The following ERC2 variants were observed in gnomAD, a reference collection of about 807,000 sequenced individuals.
ERC2 encodes the protein ELKS/RAB6-interacting/CAST family member 2, also known as ERC protein 2.
Under a neutral mutation model 114.8 loss-of-function variants are expected in ERC2, and 42 were observed. That is an observed-to-expected ratio of 0.37 (90% CI 0.29 to 0.47). The LOEUF (loss-of-function observed/expected upper bound fraction) is 0.47. ERC2 is among the 20% of genes least tolerant of loss of function. The pLI, the probability that ERC2 is intolerant of heterozygous loss-of-function variation, is 0.99. For synonymous variants in ERC2, 454 were observed against 425.5 expected (o/e 1.07, Z -0.82); for missense variants, 939 against 1,150.7 (o/e 0.82, Z 2.66).
intron 7 of ERC2, among the ~76,000 whole-genome samples, chr3:56,053,495 C>A (rs185370410): frequency 6.6e-6 from 1 of 152,296 alleles, no homozygotes; most frequent in Middle Eastern, 3.4e-3. Context: ...CTTAGCTCAA[C>A]AACTGACATA....
chr3:55,852,259 T>C (rs1384467075), intron 14 of ERC2, among the ~76,000 whole-genome samples: 3 of 152,180 alleles, frequency 2.0e-5, no homozygotes, highest in Non-Finnish European at 2.9e-5. Context: ...TAGTAAAATG[T>C]GCTTTACAGT....
chr3:55,807,320 A>C (rs1489762993), intron 14 of ERC2, among the ~76,000 whole-genome samples: 1 of 152,200 alleles, frequency 6.6e-6, no homozygotes, highest in African/African-American at 2.4e-5. Flanking sequence ...ATAATTGAGA[A>C]GTGATGTGTT....
At chr3:55,873,024 C>G (rs1416926476) in intron 14 of ERC2, among the ~76,000 whole-genome samples, 1 of 152,152 alleles carries the variant, frequency 6.6e-6, no homozygotes, top group Non-Finnish European at 1.5e-5. Flanking sequence ...ATCTAATGAG[C>G]AGAGGCCAGG....
intron 14 of ERC2, among the ~76,000 whole-genome samples, chr3:55,780,344 C>T (rs971626238): frequency 6.6e-6 from 1 of 152,050 alleles, no homozygotes; most frequent in Non-Finnish European, 1.5e-5. Context: ...ACTACTTGAA[C>T]AAAAAATAAT....
intron 7 of ERC2, among the ~76,000 whole-genome samples, chr3:56,030,731 A>G (rs189557378): frequency 6.6e-6 from 1 of 152,354 alleles, no homozygotes; most frequent in African/African-American, 2.4e-5. Flanking sequence ...CATCAATTTG[A>G]ACAACTGTCT....
chr3:56,060,066 C>A (rs935071146), intron 7 of ERC2, among the ~76,000 whole-genome samples: 2 of 152,170 alleles, frequency 1.3e-5, no homozygotes, highest in African/African-American at 4.8e-5. Context: ...AATATGTGTT[C>A]ATTTTATAAC....
intron 3 of ERC2, among the ~76,000 whole-genome samples, chr3:56,221,849 A>T (rs1321979379): frequency 1.3e-5 from 2 of 152,200 alleles, no homozygotes; most frequent in South Asian, 2.1e-4. Context: ...GTGAGCAGAG[A>T]TCGTGCCACT....
intron 17 of ERC2, among the ~76,000 whole-genome samples, chr3:55,572,314 C>T (rs896695124): frequency 1.3e-5 from 2 of 152,148 alleles, no homozygotes; most frequent in Non-Finnish European, 2.9e-5. Flanking sequence ...GCTTGTGGCC[C>T]GGCCAGCTAG....
At chr3:55,795,576 C>T (rs2070407164) in intron 14 of ERC2, among the ~76,000 whole-genome samples, 1 of 152,194 alleles carries the variant, frequency 6.6e-6, no homozygotes, top group Admixed American at 6.5e-5. Flanking sequence ...TGTAACTCCA[C>T]CTCTCCACCC....
chr3:55,634,121 T>C (rs2059861717), intron 17 of ERC2, among the ~76,000 whole-genome samples: 1 of 152,192 alleles, frequency 6.6e-6, no homozygotes, highest in African/African-American at 2.4e-5. Flanking sequence ...TTCCTATGTA[T>C]GTGGTTTTCA....
intron 3 of ERC2, among the ~76,000 whole-genome samples, chr3:56,243,134 T>C (rs1260010622): frequency 6.6e-6 from 1 of 152,178 alleles, no homozygotes; most frequent in East Asian, 1.9e-4. Flanking sequence ...GGGCCATCAG[T>C]TGCCTTTCAC....
intron 7 of ERC2, among the ~76,000 whole-genome samples, chr3:56,034,358 G>A (rs1441171855): frequency 2.0e-5 from 3 of 151,940 alleles, no homozygotes; most frequent in Non-Finnish European, 4.4e-5. Context: ...AAAACTGAAG[G>A]TAGAAACAGA....
intron 14 of ERC2, among the ~76,000 whole-genome samples, chr3:55,741,930 A>G (rs2065983669): frequency 6.6e-6 from 1 of 152,150 alleles, no homozygotes; most frequent in Non-Finnish European, 1.5e-5. Context: ...ACAATAGAGG[A>G]AAAAAGGGGG....
Position 55,602,995 on chromosome 3 carries a change from C to A in ERC2, c.*39+80799G>T, listed in dbSNP as rs145908357. 3.9e-5 allele frequency among the ~76,000 whole-genome samples: 6 copies of A among 152,182 alleles called. No homozygotes were observed. The East Asian group carries it at 7.8e-4, about 20-fold the overall frequency. ...CTTGTCCCTACTCACAAGAGAAGAC[C>A]GAGCATCTCCTTAACAATAAGAAGG... On this transcript the variant is annotated intron_variant, in intron 17 of 17. Coordinates refer to ENST00000288221, the MANE Select transcript of ERC2 (RefSeq NM_015576.3).
intron 17 of ERC2, among the ~76,000 whole-genome samples, chr3:55,522,612 C>T (rs2053037057): frequency 6.6e-6 from 1 of 152,154 alleles, no homozygotes; most frequent in African/African-American, 2.4e-5. Flanking sequence ...GTCACATTTG[C>T]ACAGTGCCAA....
At chr3:55,918,422 C>T (rs1240456053) in intron 13 of ERC2, among the ~76,000 whole-genome samples, 1 of 152,044 alleles carries the variant, frequency 6.6e-6, no homozygotes, top group Admixed American at 6.6e-5. Context: ...ATTGGTAAAA[C>T]TACCTTACAG....
chr3:55,574,998 G>A (rs925843765), intron 17 of ERC2, among the ~76,000 whole-genome samples: 2 of 152,104 alleles, frequency 1.3e-5, no homozygotes, highest in African/African-American at 4.8e-5. Context: ...GCTCACAGAA[G>A]GTGCACTTTC....
intron 1 of ERC2, among the ~76,000 whole-genome samples, chr3:56,450,762 T>G (rs2062792406): frequency 6.6e-6 from 1 of 151,982 alleles, no homozygotes; most frequent in Admixed American, 6.6e-5. Flanking sequence ...GTCCAGGAGT[T>G]CAAGGCAGCA....
At chr3:56,461,376 T>C (rs893914233) in intron 1 of ERC2, among the ~76,000 whole-genome samples, 1 of 152,184 alleles carries the variant, frequency 6.6e-6, no homozygotes, top group African/African-American at 2.4e-5. Flanking sequence ...CAACTCCAGT[T>C]GACGGGAAGC....
Sources: allele counts gnomAD v4.1 joint callset (sites outside exome capture counted in the v4.1 genomes callset), GRCh38; gene constraint gnomAD v4.1.1; transcripts MANE v1.5; gene names NCBI Gene and HGNC (gene_info 2026-07-23, HGNC 2026-07-21).